The following PVALEF variants were observed in gnomAD, a reference collection of about 807,000 sequenced individuals.
PVALEF encodes the protein parvalbumin like EF-hand containing, also known as parvalbumin-like EF-hand-containing protein.
Under a neutral mutation model 1.2 loss-of-function variants are expected in PVALEF, and 2 were observed. The observed-to-expected ratio is 1.68, with a 90% CI of 0.69 to 5.28. The LOEUF (loss-of-function observed/expected upper bound fraction) is 5.28. Among genes scored for constraint, PVALEF ranks in the 30% most tolerant of loss-of-function variants. The pLI, the probability that PVALEF is intolerant of heterozygous loss-of-function variation, is 0.06. For synonymous variants in PVALEF, 16 were observed against 6.5 expected, an observed-to-expected ratio of 2.47 and a Z score of -2.24; for missense variants, 35 against 17.7, an observed-to-expected ratio of 1.97 and a Z score of -1.75.
chr17:81,178,274 G>C (rs545584653), intron 2 of PVALEF, among the ~76,000 whole-genome samples: 6 of 152,298 alleles, frequency 3.9e-5, no homozygotes, highest in Admixed American at 3.3e-4. Context: ...CAGTCCTGTG[G>C]CTTCCAGTAG....
At chr17:81,171,113 G>T (rs919557086) in intron 2 of PVALEF, among the ~76,000 whole-genome samples, 2 of 152,252 alleles carry the variant, frequency 1.3e-5, no homozygotes, top group Non-Finnish European at 2.9e-5. Flanking sequence ...GCGGGGACAA[G>T]GGGCATAATA....
chr17:81,171,101 G>A (rs529947929), intron 2 of PVALEF, among the ~76,000 whole-genome samples: 99 of 152,372 alleles, frequency 6.5e-4, no homozygotes, highest in African/African-American at 2.3e-3. Context: ...TGCCTGTCTA[G>A]TGCGGGGACA....
chr17:81,165,803 C>G (rs1039476417), intron 1 of PVALEF, 56 bp downstream of exon 1: 2 of 1,499,426 alleles, frequency 1.3e-6, no homozygotes, highest in Non-Finnish European at 1.8e-6. Flanking sequence ...CCAGGGGGTC[C>G]GGCTGCTTCT....
intron 2 of PVALEF, among the ~76,000 whole-genome samples, chr17:81,167,975 G>A (rs188296380): frequency 8.3e-4 from 127 of 152,318 alleles, no homozygotes; most frequent in African/African-American, 2.9e-3. Flanking sequence ...AGCAGGCTGT[G>A]ATCCTGGAGT....
rs1255736069 is a variant in PVALEF at position 81,165,578 on chromosome 17, G to A, written c.-677G>A. 2 of 1,281,698 alleles carry A rather than the reference G, an allele frequency of 1.6e-6. No individual in the cohort carries two copies. The highest frequency in any genetic ancestry group is 2.0e-4 in the Middle Eastern group (1 of 5,010). 79.4% of individuals were successfully genotyped at this position (1,281,698 alleles called of 1,614,324 possible). On this transcript the variant is annotated 5_prime_UTR_variant, in exon 1 of 7. Transcript: ENST00000637878. ...ACCCAGGAGAGGCCATGGAAAGCCT[G>A]AACCCCAGCTGGCTGACACCCCCCA...
intron 3 of PVALEF, among the ~76,000 whole-genome samples, chr17:81,179,387 C>A (rs1439381933): frequency 1.3e-5 from 2 of 152,158 alleles, no homozygotes; most frequent in African/African-American, 4.8e-5. Flanking sequence ...CTGCAGGTGC[C>A]TGGTCCTGCG....
chr17:81,179,481 A>G (rs929966165), intron 3 of PVALEF, among the ~76,000 whole-genome samples: 6 of 152,132 alleles, frequency 3.9e-5, no homozygotes, highest in Non-Finnish European at 1.5e-5. Context: ...GGGCCTCTGC[A>G]TAGGGAGCTG....
intron 2 of PVALEF, among the ~76,000 whole-genome samples, chr17:81,176,920 T>G (rs2061537479): frequency 7.9e-6 from 1 of 126,108 alleles, no homozygotes; most frequent in African/African-American, 3.0e-5. Context: ...AATGGAGTAT[T>G]AGTCACTTTT....
intron 2 of PVALEF, among the ~76,000 whole-genome samples, chr17:81,178,400 C>A (rs1441903560): frequency 6.6e-6 from 1 of 152,198 alleles, no homozygotes; most frequent in Non-Finnish European, 1.5e-5. Context: ...CCCTCCCTGG[C>A]AGAAGGTAAC....
intron 2 of PVALEF, among the ~76,000 whole-genome samples, chr17:81,168,100 G>A (rs2061505783): frequency 6.6e-6 from 1 of 152,206 alleles, no homozygotes; most frequent in African/African-American, 2.4e-5. Flanking sequence ...TGCCCAGCCT[G>A]GAAGGTGCCC....
rs74002099 is a variant in PVALEF at position 81,182,819 on chromosome 17, G to C, written c.359-146G>C. ...CCCGGCCAGATGGGCTGGAGGCCTG[G>C]TCCCTGCTCAAGGACTTGGGGACAG... On this transcript the variant is annotated intron_variant, in intron 6 of 6. Transcript: ENST00000637878. 7.0e-3 allele frequency: 2,762 copies of C among 394,392 alleles called. 55 individuals are homozygous for C. The highest frequency in any genetic ancestry group is 0.052 in the African/African-American group (2,539 of 48,668). The allele number at this position is 394,392 out of a possible 1,614,324, so 24.4% of individuals were successfully genotyped here.
chr17:81,173,862 G>A (rs1184966948), intron 2 of PVALEF, among the ~76,000 whole-genome samples: 1 of 152,124 alleles, frequency 6.6e-6, no homozygotes, highest in African/African-American at 2.4e-5. Context: ...GAAAAGTACA[G>A]GCCAATATCT....
rs962343152 is a variant in PVALEF, at chr17:81,165,887, T to TCC, written c.-508+141_-508+142dup. ...AGCCGTGGGGCCCAGGGGCATCACGTCCGCAGCGGAGGGAGGCAGCGGCGC... is the reference window on the plus strand; with the variant it reads ...AGCCGTGGGGCCCAGGGGCATCACGTCCCCGCAGCGGAGGGAGGCAGCGGCGC... On this transcript the variant is annotated intron_variant, in intron 1 of 6. Coordinates refer to ENST00000637878, the MANE Select transcript of PVALEF (RefSeq NM_001354639.2). The TCC allele has an allele frequency of 2.0e-4, 311 of 1,551,344 alleles. 4 individuals carry two copies. In the South Asian group the frequency reaches 3.1e-3, roughly 15 times the overall value.
Position 81,181,276 on chromosome 17 carries a change from G to A in PVALEF, c.50G>A (p.Gly17Asp). ...ATGAAGAAGATGGCCTTGGCCATGG[G>A]CACGTCCCTATCAGACAAGGACATT... is the stretch of plus-strand genomic sequence containing the variant. ...SQMKKMALAM[G>D]TSLSDKDIEL... Residue 17 changes from glycine to aspartate, a missense_variant, in exon 4 of 7, where the codon GGC becomes GAC. Gly to Asp is a moderately conservative substitution (Grantham distance 94). Transcript: ENST00000637878. 1 of 701,698 alleles carries A rather than the reference G, an allele frequency of 1.4e-6. No individual in the cohort carries two copies. The highest frequency in any genetic ancestry group is 1.5e-5 in the South Asian group (1 of 67,062). 43.5% of individuals were successfully genotyped at this position (701,698 alleles called of 1,614,324 possible).
rs775438275 is a variant in PVALEF at position 81,166,860 on chromosome 17, G to T, written c.-340+16G>T. On this transcript the variant is annotated intron_variant, in intron 2 of 6. Coordinates refer to ENST00000637878, the MANE Select transcript of PVALEF (RefSeq NM_001354639.2). ...ACTGTACCAGGTGCTTAGGGCAGCA[G>T]GTTGGCCTGGGCGCTGAGGGGCCAT... 8 of 390,072 alleles carry T rather than the reference G, an allele frequency of 2.1e-5. No individual in the cohort carries two copies. Among genetic ancestry groups the T allele is most frequent in the Middle Eastern group, 3.6e-4 (1 of 2,750 alleles). 24.2% of individuals were successfully genotyped at this position (390,072 alleles called of 1,614,324 possible). A position where few individuals can be genotyped will look rare whatever the true frequency, so the allele number is the denominator to read the frequency against.
At position 81,166,581 on chromosome 17, in the gene PVALEF, A is replaced by G. The variant is rs549780811; in HGVS notation, c.-507-96A>G. On this transcript the variant is annotated intron_variant, in intron 1 of 6. Transcript: ENST00000637878. ...GGAACGCCGGGGTGGGGGAGGGGGT[A>G]CTCCTAGGTGGAAAGGTTCAGGGAG... 5.3e-4 allele frequency: 192 copies of G among 362,960 alleles called. 1 individual carries two copies. Among genetic ancestry groups the G allele is most frequent in the African/African-American group, 4.1e-3 (174 of 42,414 alleles). 22.5% of individuals were successfully genotyped at this position (362,960 alleles called of 1,614,324 possible).
chr17:81,180,429 C>T (rs975455594), intron 3 of PVALEF, among the ~76,000 whole-genome samples: 3 of 152,076 alleles, frequency 2.0e-5, no homozygotes, highest in Non-Finnish European at 2.9e-5. Flanking sequence ...TGAGGGCCTC[C>T]GAGGCCCAGT....
chr17:81,169,241 C>T (rs2061509587), intron 2 of PVALEF, among the ~76,000 whole-genome samples: 1 of 152,192 alleles, frequency 6.6e-6, no homozygotes, highest in Non-Finnish European at 1.5e-5. Flanking sequence ...TGCTAAAACA[C>T]TAAGCTGTAC....
chr17:81,169,841 G>T (rs113960068), intron 2 of PVALEF, among the ~76,000 whole-genome samples: 36,071 of 151,764 alleles, frequency 0.24, 4,678 homozygotes, highest in Non-Finnish European at 0.28. Context: ...TGTCTTGGTA[G>T]GTATATGTGT....
Sources: allele counts gnomAD v4.1 joint callset (sites outside exome capture counted in the v4.1 genomes callset), GRCh38; gene constraint gnomAD v4.1.1; transcripts MANE v1.5; gene names NCBI Gene and HGNC (gene_info 2026-07-23, HGNC 2026-07-21).